The following SHH variants were observed in gnomAD, a reference collection of about 807,000 sequenced individuals.
SHH encodes the protein sonic hedgehog signaling molecule.
SHH carries 3 observed loss-of-function variants against 16.6 expected under a neutral mutation model. The ratio of observed to expected loss-of-function variants is 0.18; its 90% confidence interval spans 0.08 to 0.47. SHH has a LOEUF of 0.47. Ranked by LOEUF, SHH falls within the 20% of genes least tolerant of loss-of-function variation. SHH has a pLI of 0.98. For synonymous variants in SHH, 351 were observed against 316.2 expected (o/e 1.11, Z -1.17); for missense variants, 499 against 665.0 (o/e 0.75, Z 2.75).
rs750242331 is a variant in SHH at position 155,812,172 on chromosome 7, C to A, written c.-50G>T. 3.2e-6 allele frequency: 5 copies of A among 1,574,362 alleles called. No individual in the cohort carries two copies. The highest frequency in any genetic ancestry group is 4.5e-5 in the East Asian group (2 of 44,704). ...CGAGCTGTCCCCGTGCGGGTCCGTG[C>A]GCGAGTGCGCGCGGCGGGTGTGTGC... On this transcript the variant is annotated 5_prime_UTR_variant, in exon 1 of 3. Coordinates refer to ENST00000297261, the MANE Select transcript of SHH (RefSeq NM_000193.4).
rs1166210161 is a variant in SHH at position 155,805,169 on chromosome 7, C to T, written c.562+1127G>A. Among the ~76,000 whole-genome samples, 2 of 150,752 alleles carry T rather than the reference C, an allele frequency of 1.3e-5. 1 individual carries two copies. Among genetic ancestry groups the T allele is most frequent in the South Asian group, 4.2e-4 (2 of 4,752 alleles). ...CCTCCGGAGACCCCCGCTAGGGGGA[C>T]CCCGCGGGCAGGGAGCCGGGGAGGA... On this transcript the variant is annotated intron_variant, in intron 2 of 2. Transcript: ENST00000297261.
intron 2 of SHH, among the ~76,000 whole-genome samples, chr7:155,805,108 C>T (rs758658633): frequency 4.6e-5 from 7 of 151,760 alleles, no homozygotes; most frequent in Non-Finnish European, 8.8e-5. Flanking sequence ...CGGCGCGATC[C>T]GGGGGATGGA....
chr7:155,802,708 C>T lies in SHH; in HGVS notation c.*192G>A. 3 of 406,734 alleles carry T rather than the reference C, an allele frequency of 7.4e-6. No individual in the cohort carries two copies. The highest frequency in any genetic ancestry group is 1.3e-5 in the Non-Finnish European group (3 of 234,164). The allele number at this position is 406,734 out of a possible 1,614,324, so 25.2% of individuals were successfully genotyped here. On this transcript the variant is annotated 3_prime_UTR_variant, in exon 3 of 3. Transcript: ENST00000297261. ...AAAAAATTCAAAAAATATATATCAA[C>T]TAAGCACAACAACAAAACTTCCCGG...
At chr7:155,805,408 A>G (rs1053768463) in intron 2 of SHH, among the ~76,000 whole-genome samples, 5 of 152,228 alleles carry the variant, frequency 3.3e-5, no homozygotes, top group Admixed American at 2.0e-4. Context: ...TTTTCCTACT[A>G]ACATAGTGCC....
At chr7:155,810,467 G>A (rs1044151343) in intron 1 of SHH, among the ~76,000 whole-genome samples, 1 of 152,228 alleles carries the variant, frequency 6.6e-6, no homozygotes, top group African/African-American at 2.4e-5. Context: ...CACGCAACGG[G>A]CACCCCATGG....
rs1045794126 is a variant in SHH at position 155,800,493 on chromosome 7, C to T, written c.*2407G>A. On this transcript the variant is annotated 3_prime_UTR_variant, in exon 3 of 3. Coordinates refer to ENST00000297261, the MANE Select transcript of SHH (RefSeq NM_000193.4). Reference sequence around the variant, plus strand: ...GGTCAACGCCTGGCTTCTCTCTGATCGTCTGGGCTGCACGGCCACATTGCC... The same window carrying T: ...GGTCAACGCCTGGCTTCTCTCTGATTGTCTGGGCTGCACGGCCACATTGCC... The T allele has an allele frequency of 1.9e-5, 9 of 464,776 alleles. No individual in the cohort carries two copies. Among genetic ancestry groups the T allele is most frequent in the East Asian group, 7.0e-5 (1 of 14,320 alleles). 28.8% of individuals were successfully genotyped at this position (464,776 alleles called of 1,614,324 possible).
rs1162875925 is a variant in SHH at position 155,802,253 on chromosome 7, AATAAT to A, written c.*642_*646del. 2 of 152,338 alleles carry A rather than the reference AATAAT, an allele frequency of 1.3e-5. No homozygotes were observed. The highest frequency in any genetic ancestry group is 1.9e-4 in the East Asian group (1 of 5,194). 9.4% of individuals were successfully genotyped at this position (152,338 alleles called of 1,614,324 possible). ...TTACATCGGAAACTAGTTAAATTAA[AATAAT>A]ATATTTTCATATTTTACACTATTTC... On this transcript the variant is annotated 3_prime_UTR_variant, in exon 3 of 3. Transcript: ENST00000297261.
Position 155,811,355 on chromosome 7 carries a change from G to A in SHH, c.300+468C>T, listed in dbSNP as rs181939266. Among the ~76,000 whole-genome samples the A allele has an allele frequency of 1.2e-4, 18 of 152,300 alleles. 1 individual carries two copies. Among genetic ancestry groups the A allele is most frequent in the Middle Eastern group, 6.8e-3 (2 of 294 alleles). On this transcript the variant is annotated intron_variant, in intron 1 of 2. Transcript: ENST00000297261. The stretch of plus-strand genomic sequence containing the variant: ...AAACCACAGAGGCAACGGGAAACGT[G>A]GGGGCTCTGAGCTCCAATGCCCAAG...
At chr7:155,806,625 C>T in intron 1 of SHH, 68 bp from the exon 2 acceptor site, 1 of 1,592,696 alleles carries the variant, frequency 6.3e-7, no homozygotes, top group Admixed American at 1.7e-5. Context: ...CTCCCGGCCC[C>T]TCCATCAGCC....
Position 155,809,552 on chromosome 7 carries a change from C to G in SHH, c.300+2271G>C, listed in dbSNP as rs915858953. On this transcript the variant is annotated intron_variant, in intron 1 of 2. Coordinates refer to ENST00000297261, the MANE Select transcript of SHH (RefSeq NM_000193.4). The surrounding 1 kb of genome is among the most constrained non-coding windows in gnomAD (Gnocchi z 6.1). ...CCGGGGATACCTCACAGACTGCCAG[C>G]CCCTACCCCCCTCGGTTTTAGGGGA... Among the ~76,000 whole-genome samples, 1 of 152,104 alleles carries G rather than the reference C, an allele frequency of 6.6e-6. No homozygotes were observed. Among genetic ancestry groups the G allele is most frequent in the Non-Finnish European group, 1.5e-5 (1 of 68,008 alleles).
chr7:155,806,162 G>A, intron 2 of SHH, 134 bp downstream of exon 2: 2 of 1,129,182 alleles, frequency 1.8e-6, no homozygotes, highest in South Asian at 2.6e-5. Context: ...GTTCCACCGC[G>A]GAAACGCAGT....
At position 155,811,877 on chromosome 7, in the gene SHH, G is replaced by A. The variant is rs1803529983; in HGVS notation, c.246C>T (p.Pro82=). Residue 82 remains proline (P), a synonymous_variant, in exon 1 of 3, where the codon CCC becomes CCT. Transcript: ENST00000297261. ...RFKELTPNYN[P]DIIFKDEENT... is the part of the protein sequence containing the mutation. ...TTTCTTCATCCTTAAATATGATGTC[G>A]GGGTTGTAATTGGGGGTGAGTTCCT... 3 of 1,614,122 alleles carry A rather than the reference G, an allele frequency of 1.9e-6. No homozygotes were observed. The highest frequency in any genetic ancestry group is 2.7e-5 in the African/African-American group (2 of 75,018).
At position 155,806,235 on chromosome 7, in the gene SHH, C is replaced by G; in HGVS notation, c.562+61G>C. On this transcript the variant is annotated intron_variant, in intron 2 of 2. Transcript: ENST00000297261. The stretch of plus-strand genomic sequence containing the variant: ...CCCCAGGTTTCTTTTTCTCTTGAAT[C>G]AAGCCGAGGTGCGCCAATGGCCTTC... 3.1e-6 allele frequency: 5 copies of G among 1,607,524 alleles called. No homozygotes were observed. The South Asian group carries it at 5.5e-5, about 18-fold the overall frequency.
At position 155,800,937 on chromosome 7, in the gene SHH, T is replaced by G. The variant is rs1189704182; in HGVS notation, c.*1963A>C. 7.9e-6 allele frequency: 2 copies of G among 252,698 alleles called. No individual in the cohort carries two copies. The highest frequency in any genetic ancestry group is 2.0e-4 in the East Asian group (2 of 10,022). 15.7% of individuals were successfully genotyped at this position (252,698 alleles called of 1,614,324 possible). On this transcript the variant is annotated 3_prime_UTR_variant, in exon 3 of 3. Coordinates refer to ENST00000297261, the MANE Select transcript of SHH (RefSeq NM_000193.4). ...CAGCTGCTGGGAGGCCCCAAGCTCA[T>G]GCAGCGCAACTCTTCCAAGGCCCAG...
Position 155,802,835 on chromosome 7 carries a change from T to C in SHH, c.*65A>G, listed in dbSNP as rs1455306599. The stretch of plus-strand genomic sequence containing the variant: ...CGTGCGCCTTTTCCGAGTGTCTTTT[T>C]GCTTTGCGTTGCTGTTGCTGCCCCG... On this transcript the variant is annotated 3_prime_UTR_variant, in exon 3 of 3. Transcript: ENST00000297261. 9 of 949,712 alleles carry C rather than the reference T, an allele frequency of 9.5e-6. No homozygotes were observed. The highest frequency in any genetic ancestry group is 1.3e-5 in the Non-Finnish European group (9 of 688,316). 58.8% of individuals were successfully genotyped at this position (949,712 alleles called of 1,614,324 possible). A position where few individuals can be genotyped will look rare whatever the true frequency, so the allele number is the denominator to read the frequency against.
rs1425725767 is a variant in SHH at position 155,807,724 on chromosome 7, G to T, written c.301-1167C>A. On this transcript the variant is annotated intron_variant, in intron 1 of 2. Transcript: ENST00000297261. This position sits in a 1 kb window ranked among gnomAD's most constrained non-coding sequence, Gnocchi z 7.1. Reference sequence around the variant, plus strand: ...TACCCTGCTGCTGCTGGTGGGACATGGGATTTAAAGAGGGGGAACTGGCAC... The same window carrying T: ...TACCCTGCTGCTGCTGGTGGGACATTGGATTTAAAGAGGGGGAACTGGCAC... Among the ~76,000 whole-genome samples the T allele has an allele frequency of 6.6e-6, 1 of 152,210 alleles. No homozygotes were observed. The highest frequency in any genetic ancestry group is 2.4e-5 in the African/African-American group (1 of 41,440).
chr7:155,800,577 C>A lies in SHH; in HGVS notation c.*2323G>T, dbSNP rs1244672902. 2 of 470,812 alleles carry A rather than the reference C, an allele frequency of 4.2e-6. No individual in the cohort carries two copies. Among genetic ancestry groups the A allele is most frequent in the African/African-American group, 4.0e-5 (2 of 50,102 alleles). 29.2% of individuals were successfully genotyped at this position (470,812 alleles called of 1,614,324 possible). A position where few individuals can be genotyped will look rare whatever the true frequency, so the allele number is the denominator to read the frequency against. Reference sequence around the variant, plus strand: ...CCCGGTGCTTCTGGTTCGCTTTCGACTGACTTGAAATCAGACTGAACTGTC... The same window carrying A: ...CCCGGTGCTTCTGGTTCGCTTTCGAATGACTTGAAATCAGACTGAACTGTC... On this transcript the variant is annotated 3_prime_UTR_variant, in exon 3 of 3. Transcript: ENST00000297261.
At chr7:155,811,218 A>G (rs1346722346) in intron 1 of SHH, among the ~76,000 whole-genome samples, 1 of 152,246 alleles carries the variant, frequency 6.6e-6, no homozygotes, top group Non-Finnish European at 1.5e-5. Flanking sequence ...CCACCCAGGG[A>G]CGGGCGGAGT....
rs1803164291 is a variant in SHH at position 155,800,826 on chromosome 7, CAA to C, written c.*2072_*2073del. On this transcript the variant is annotated 3_prime_UTR_variant, in exon 3 of 3. Coordinates refer to ENST00000297261, the MANE Select transcript of SHH (RefSeq NM_000193.4). The stretch of plus-strand genomic sequence containing the variant: ...AGAGCAGACCCTCAGGGACTGGGCC[CAA>C]CCTCGGGAGCCAGCCCCTGCCAGGT... 1 of 349,710 alleles carries C rather than the reference CAA, an allele frequency of 2.9e-6. No individual in the cohort carries two copies. Among genetic ancestry groups the C allele is most frequent in the Non-Finnish European group, 5.7e-6 (1 of 176,274 alleles). The allele number at this position is 349,710 out of a possible 1,614,324, so 21.7% of individuals were successfully genotyped here. A position where few individuals can be genotyped will look rare whatever the true frequency, so the allele number is the denominator to read the frequency against.
Sources: gnomAD v4.1 joint callset for allele counts (sites outside exome capture counted in the v4.1 genomes callset) on GRCh38, gnomAD v4.1.1 for gene constraint, Gnocchi (gnomAD v3.1) non-coding constraint, MANE v1.5 for transcripts, NCBI Gene and HGNC (gene_info 2026-07-23, HGNC 2026-07-21) for gene names.